Variants in GRAMD4 observed in about 807,000 individuals in gnomAD.
GRAMD4 encodes the protein GRAM domain containing 4.
Under a neutral mutation model 83.9 loss-of-function variants are expected in GRAMD4, and 25 were observed. The observed-to-expected ratio is 0.30, with a 90% CI of 0.22 to 0.42. GRAMD4 has a LOEUF of 0.42. Among genes scored for constraint, GRAMD4 ranks in the 10% least tolerant of loss-of-function variants. The pLI is 1.00. For synonymous variants in GRAMD4, 336 were observed against 320.9 expected (o/e 1.05, Z -0.50); for missense variants, 593 against 788.7 (o/e 0.75, Z 2.97).
intron 1 of GRAMD4, among the ~76,000 whole-genome samples, chr22:46,584,706 C>A (rs2081131496): frequency 1.3e-5 from 2 of 152,156 alleles, no homozygotes. Context: ...GCCACCTCCC[C>A]AACATGATTC....
At chr22:46,639,153 AGT>A (rs3081630) in intron 3 of GRAMD4, among the ~76,000 whole-genome samples, 57,975 of 149,438 alleles carry the variant, frequency 0.39, 11,272 homozygotes, top group Middle Eastern at 0.47. Context: ...TGTGTGCGTG[AGT>A]GTGTGTGTGT....
intron 1 of GRAMD4, among the ~76,000 whole-genome samples, chr22:46,624,801 G>A (rs1449712614): frequency 1.3e-5 from 2 of 151,262 alleles, no homozygotes; most frequent in Non-Finnish European, 2.9e-5. Context: ...GGTCCTCCCA[G>A]CTTCCAGGGG....
In GRAMD4 at chr22:46,677,040, C is replaced by T. The variant is rs931228745; in HGVS notation, c.1633-107C>T. ...CACCTGTCTTTTGCACCCAGACCCA[C>T]GTGACTAGCGTGCTGGCCTGGGGCT... is the stretch of plus-strand genomic sequence containing the variant. On this transcript the variant is annotated intron_variant, in intron 18 of 18. Transcript: ENST00000406902. 9.0e-6 allele frequency: 12 copies of T among 1,328,000 alleles called. No individual in the cohort carries two copies. In the East Asian group the frequency reaches 1.2e-4, roughly 13 times the overall value. The allele number at this position is 1,328,000 out of a possible 1,614,324, so 82.3% of individuals were successfully genotyped here.
chr22:46,591,471 G>A lies in GRAMD4; in HGVS notation c.-50+14181G>A, dbSNP rs185837870. 3.8e-3 allele frequency among the ~76,000 whole-genome samples: 578 copies of A among 152,254 alleles called. 4 individuals are homozygous for A. The highest frequency in any genetic ancestry group is 0.013 in the African/African-American group (534 of 41,536). On this transcript the variant is annotated intron_variant, in intron 1 of 1. Coordinates refer to the GRAMD4 transcript ENST00000431155. ...ACAGATTTACCAAATTCATTTGGACGACGTTACTGAAGCTCCATGAGGCAG... is the reference window on the plus strand; with the variant it reads ...ACAGATTTACCAAATTCATTTGGACAACGTTACTGAAGCTCCATGAGGCAG...
At chr22:46,674,302 C>T (rs1215551359) in intron 15 of GRAMD4, among the ~76,000 whole-genome samples, 2 of 152,104 alleles carry the variant, frequency 1.3e-5, no homozygotes, top group Non-Finnish European at 2.9e-5. Flanking sequence ...AACGGAGCTT[C>T]GTCCTCTGCT....
chr22:46,666,728 C>T (rs889217231), intron 9 of GRAMD4, 97 bp from the exon 10 acceptor site: 2 of 1,056,524 alleles, frequency 1.9e-6, no homozygotes, highest in African/African-American at 3.1e-5. Context: ...GAAGGGCCCC[C>T]TCCAAGCCCA....
intron 1 of GRAMD4, among the ~76,000 whole-genome samples, chr22:46,586,949 C>G (rs1055437793): frequency 6.6e-6 from 1 of 152,162 alleles, no homozygotes; most frequent in South Asian, 2.1e-4. Flanking sequence ...TGAAGCAACA[C>G]CCACACCCCG....
chr22:46,680,589 T>A (rs12166667), downstream of GRAMD4, among the ~76,000 whole-genome samples: 3 of 13,964 alleles, frequency 2.1e-4, 1 homozygote, highest in Admixed American at 8.3e-4. Context: ...CATCCATCCA[T>A]CCATCCACCC....
intron 1 of GRAMD4, among the ~76,000 whole-genome samples, chr22:46,603,201 G>GTTTTTTT (rs569545888): frequency 8.9e-5 from 8 of 89,414 alleles, no homozygotes; most frequent in African/African-American, 2.8e-4. Context: ...ATCTTCTCTT[G>GTTTTTTT]TTTTTTTTTT....
chr22:46,586,842 C>T (rs1395286711), intron 1 of GRAMD4, among the ~76,000 whole-genome samples: 1 of 152,152 alleles, frequency 6.6e-6, no homozygotes, highest in Non-Finnish European at 1.5e-5. Context: ...GAGCTGAGGC[C>T]CTGCAGCTCT....
At chr22:46,602,015 T>C (rs142896527) in intron 1 of GRAMD4, among the ~76,000 whole-genome samples, 46 of 152,266 alleles carry the variant, frequency 3.0e-4, no homozygotes, top group African/African-American at 1.0e-3. Flanking sequence ...CTCGTTTCCA[T>C]AGACACATGG....
At chr22:46,681,235 G>A (rs899144478), downstream of GRAMD4, among the ~76,000 whole-genome samples, 1 of 151,970 alleles carries the variant, frequency 6.6e-6, no homozygotes, top group Non-Finnish European at 1.5e-5. Flanking sequence ...TGGAGGAGGC[G>A]GAGGGGCCTC....
intron 4 of GRAMD4, among the ~76,000 whole-genome samples, chr22:46,660,821 G>A (rs893979530): frequency 9.2e-5 from 14 of 152,142 alleles, no homozygotes; most frequent in African/African-American, 2.9e-4. Context: ...GGTTAGGGGC[G>A]ACCACACAGC....
chr22:46,672,122 G>C lies in GRAMD4; in HGVS notation c.1085-721G>C, dbSNP rs1309828488. Reference sequence around the variant, plus strand: ...CTCCTGACAGCTTTTGCTGCCCAGGGGGGTGCGTTAGCAGGTGTGTGGGGG... The same window carrying C: ...CTCCTGACAGCTTTTGCTGCCCAGGCGGGTGCGTTAGCAGGTGTGTGGGGG... On this transcript the variant is annotated intron_variant, in intron 13 of 18. Transcript: ENST00000406902. This position sits in a 1 kb window ranked among gnomAD's most constrained non-coding sequence, Gnocchi z 4.7. Among the ~76,000 whole-genome samples the C allele has an allele frequency of 6.6e-6, 1 of 152,250 alleles. No homozygotes were observed. Among genetic ancestry groups the C allele is most frequent in the Non-Finnish European group, 1.5e-5 (1 of 68,034 alleles).
At chr22:46,589,392 G>T (rs1265394353) in intron 1 of GRAMD4, among the ~76,000 whole-genome samples, 5 of 145,128 alleles carry the variant, frequency 3.4e-5, no homozygotes, top group African/African-American at 7.5e-5. Flanking sequence ...TGATATGGGG[G>T]AGCCGTGGGT....
rs904324861 is a variant in GRAMD4 at position 46,679,124 on chromosome 22, G to A, written c.*1873G>A. 1.8e-5 allele frequency: 18 copies of A among 985,486 alleles called. No individual in the cohort carries two copies. The highest frequency in any genetic ancestry group is 1.1e-4 in the East Asian group (1 of 8,824). 61.0% of individuals were successfully genotyped at this position (985,486 alleles called of 1,614,324 possible). On this transcript the variant is annotated 3_prime_UTR_variant, in exon 19 of 19. Transcript: ENST00000406902. Reference sequence around the variant, plus strand: ...AGGGGCGGCTGCAGAGGCAGTGCCCGCAGACAATGGCCACACCTCTCTCCC... The same window carrying A: ...AGGGGCGGCTGCAGAGGCAGTGCCCACAGACAATGGCCACACCTCTCTCCC...
At chr22:46,615,515 GCA>G (rs2081470330), upstream of GRAMD4, among the ~76,000 whole-genome samples, 1 of 141,562 alleles carries the variant, frequency 7.1e-6, no homozygotes, top group African/African-American at 2.6e-5. Context: ...CCCTGTGTGT[GCA>G]GGTTCCCCTG....
chr22:46,600,628 G>A (rs79560339), intron 1 of GRAMD4, among the ~76,000 whole-genome samples: 3,185 of 152,236 alleles, frequency 0.021, 126 homozygotes, highest in African/African-American at 0.073. Flanking sequence ...AAGGCGGCAG[G>A]TGCGTCCTGT....
At chr22:46,615,410 C>T (rs2081467833), upstream of GRAMD4, among the ~76,000 whole-genome samples, 2 of 91,060 alleles carry the variant, frequency 2.2e-5, no homozygotes, top group Non-Finnish European at 4.3e-5. Flanking sequence ...CTCTCCTGTG[C>T]TTGTGGGTTC....
Sources: allele counts gnomAD v4.1 joint callset (sites outside exome capture counted in the v4.1 genomes callset), GRCh38; gene constraint gnomAD v4.1.1; non-coding constraint Gnocchi (gnomAD v3.1); transcripts MANE v1.5; gene names NCBI Gene and HGNC (gene_info 2026-07-23, HGNC 2026-07-21).